Variants in ETFA observed in about 807,000 individuals in gnomAD.
ETFA encodes the protein electron transfer flavoprotein subunit alpha, mitochondrial.
A neutral mutation model predicts 46.2 loss-of-function variants in ETFA; 22 were observed. That is an observed-to-expected ratio of 0.48 (90% CI 0.34 to 0.68). The LOEUF (loss-of-function observed/expected upper bound fraction) is 0.68, where lower values mean the gene tolerates loss of function less well. Ranked by LOEUF, ETFA falls within the 30% of genes least tolerant of loss-of-function variation. The pLI is 0.01. For missense variants in ETFA, 345 were observed against 401.1 expected, an observed-to-expected ratio of 0.86 and a Z score of 1.19; for synonymous variants, 131 against 139.9, an observed-to-expected ratio of 0.94 and a Z score of 0.45.
At chr15:76,308,752 A>G (rs1410300050) in intron 1 of ETFA, among the ~76,000 whole-genome samples, 1 of 152,264 alleles carries the variant, frequency 6.6e-6, no homozygotes, top group Non-Finnish European at 1.5e-5. Flanking sequence ...ACATCCATAG[A>G]TTAGAAAACA....
intron 1 of ETFA, among the ~76,000 whole-genome samples, chr15:76,301,538 C>T (rs2039880385): frequency 6.6e-6 from 1 of 152,142 alleles, no homozygotes; most frequent in Admixed American, 6.5e-5. Context: ...GAGTGAAACC[C>T]CATTTCTCCT....
chr15:76,295,584 T>C lies in ETFA; in HGVS notation c.186+7A>G, dbSNP rs184587113. 4,543 of 1,612,466 alleles carry C rather than the reference T, an allele frequency of 2.8e-3. 6 individuals carry two copies. The highest frequency in any genetic ancestry group is 3.5e-3 in the Non-Finnish European group (4,182 of 1,178,556). ...ATTTGCTATGGCTGACCTTAAAAAT[T>C]TCTCACCTTGTCACATTTGGTTCCA... On this transcript the variant is annotated splice_region_variant and intron_variant, in intron 2 of 11. Coordinates refer to ENST00000557943, the MANE Select transcript of ETFA (RefSeq NM_000126.4).
chr15:76,252,282 G>A (rs1166796119), intron 9 of ETFA, among the ~76,000 whole-genome samples: 1 of 152,110 alleles, frequency 6.6e-6, no homozygotes. Context: ...CTACTTCACA[G>A]GTAAACTTAT....
intron 11 of ETFA, among the ~76,000 whole-genome samples, chr15:76,224,063 C>CAT (rs1276862608): frequency 1.3e-5 from 2 of 152,166 alleles, no homozygotes; most frequent in African/African-American, 4.8e-5. Flanking sequence ...TACTTGCAAA[C>CAT]ATGGATGAGG....
chr15:76,285,785 C>T (rs1467558722), intron 6 of ETFA, 47 bp from the exon 7 acceptor site: 1 of 1,127,604 alleles, frequency 8.9e-7, no homozygotes, highest in Non-Finnish European at 1.4e-6. Flanking sequence ...ATTTCAAGTT[C>T]TATAACAAGA....
intron 9 of ETFA, among the ~76,000 whole-genome samples, chr15:76,241,266 C>T (rs1454914657): frequency 6.7e-6 from 1 of 150,064 alleles, no homozygotes; most frequent in African/African-American, 2.5e-5. Flanking sequence ...TTTGGGAGGT[C>T]GAGGTGGGAG....
chr15:76,223,216 C>T (rs1229450068), intron 11 of ETFA, among the ~76,000 whole-genome samples: 4 of 122,002 alleles, frequency 3.3e-5, no homozygotes, highest in Admixed American at 1.9e-4. Context: ...TACTTCAGAA[C>T]TTTTTTTTTT....
At chr15:76,243,323 A>G (rs2039210438) in intron 9 of ETFA, among the ~76,000 whole-genome samples, 1 of 152,088 alleles carries the variant, frequency 6.6e-6, no homozygotes, top group African/African-American at 2.4e-5. Flanking sequence ...CAAATTTTAT[A>G]TTTTACCACA....
intron 9 of ETFA, among the ~76,000 whole-genome samples, chr15:76,263,276 C>T (rs932234661): frequency 5.9e-5 from 9 of 152,150 alleles, no homozygotes; most frequent in East Asian, 1.9e-4. Flanking sequence ...TTGACTCCGC[C>T]GGACTTTGTA....
chr15:76,310,089 A>AAAAAAAAAAAAAAAAAAG (rs2039979014), intron 1 of ETFA: 1 of 123,296 alleles, frequency 8.1e-6, no homozygotes, highest in African/African-American at 3.2e-5. Context: ...AAAAAAAAAA[A>AAAAAAAAAAAAAAAAAAG]AAAAAAATTA....
At chr15:76,241,993 C>T (rs552841031) in intron 9 of ETFA, among the ~76,000 whole-genome samples, 9 of 151,650 alleles carry the variant, frequency 5.9e-5, no homozygotes, top group African/African-American at 1.7e-4. Flanking sequence ...TGCGCCACCA[C>T]GCCCGGCTAA....
chr15:76,301,768 T>C (rs1399664155), intron 1 of ETFA, among the ~76,000 whole-genome samples: 4 of 152,058 alleles, frequency 2.6e-5, no homozygotes, highest in East Asian at 1.9e-4. Flanking sequence ...ACACAAGCCA[T>C]AGACTGGGAC....
chr15:76,243,792 CTG>C (rs1240566739), intron 9 of ETFA, among the ~76,000 whole-genome samples: 1 of 149,614 alleles, frequency 6.7e-6, no homozygotes, highest in Non-Finnish European at 1.5e-5. Context: ...GAGCAAGACT[CTG>C]TCTCAAAAAA....
intron 1 of ETFA, among the ~76,000 whole-genome samples, chr15:76,302,321 T>C (rs1164003806): frequency 6.6e-6 from 1 of 152,138 alleles, no homozygotes. Flanking sequence ...CAATGGAATC[T>C]TATTCAGCAG....
intron 1 of ETFA, among the ~76,000 whole-genome samples, chr15:76,310,841 T>TCCCCCCC (rs2039989858): frequency 1.3e-5 from 2 of 148,858 alleles, no homozygotes; most frequent in African/African-American, 5.0e-5. Context: ...CCACGCAGCC[T>TCCCCCCC]CCCACCCCAC....
intron 1 of ETFA, 127 bp from the exon 2 acceptor site, chr15:76,295,864 AATTT>A (rs1304791320): frequency 1.4e-5 from 8 of 569,952 alleles, no homozygotes; most frequent in East Asian, 6.5e-5. Context: ...TTATTCTATA[AATTT>A]ATTTATAAAA....
intron 1 of ETFA, among the ~76,000 whole-genome samples, chr15:76,301,596 G>A (rs1344533457): frequency 6.6e-6 from 1 of 152,162 alleles, no homozygotes; most frequent in East Asian, 1.9e-4. Flanking sequence ...CATAGTCCCA[G>A]CTACTCAGGA....
intron 9 of ETFA, among the ~76,000 whole-genome samples, chr15:76,264,050 G>A (rs754421490): frequency 6.6e-6 from 1 of 152,136 alleles, no homozygotes; most frequent in Non-Finnish European, 1.5e-5. Context: ...TAGAGCTGAG[G>A]GAGACCTTGA....
chr15:76,272,919 G>A (rs2039553681), intron 9 of ETFA, among the ~76,000 whole-genome samples: 1 of 151,648 alleles, frequency 6.6e-6, no homozygotes, highest in South Asian at 2.1e-4. Flanking sequence ...AATTCGGTAT[G>A]ACAAGCAAAC....
Sources: gnomAD v4.1 joint callset for allele counts (sites outside exome capture counted in the v4.1 genomes callset) on GRCh38, gnomAD v4.1.1 for gene constraint, MANE v1.5 for transcripts, NCBI Gene and HGNC (gene_info 2026-07-23, HGNC 2026-07-21) for gene names.